UBN2: variants seen among roughly 807,000 people sequenced by gnomAD.
UBN2 encodes ubinuclein-2.
In UBN2, 35 loss-of-function variants were observed where a neutral mutation model predicts 120.2. That is an observed-to-expected ratio of 0.29 (90% CI 0.22 to 0.39). The LOEUF (loss-of-function observed/expected upper bound fraction) is 0.39, where lower values mean the gene tolerates loss of function less well. UBN2 is among the 10% of genes least tolerant of loss of function. The pLI, the probability that UBN2 is intolerant of heterozygous loss-of-function variation, is 1.00. For synonymous variants in UBN2, 661 were observed against 648.7 expected (o/e 1.02, Z -0.29); for missense variants, 1,693 against 1,663.2 (o/e 1.02, Z -0.31).
the UBN2 span, among the ~76,000 whole-genome samples, chr7:139,328,843 T>G: frequency 6.9e-6 from 1 of 145,528 alleles, no homozygotes; most frequent in South Asian, 2.1e-4. Flanking sequence ...CACAACAGAC[T>G]GAGACCCTGT....
downstream of UBN2, among the ~76,000 whole-genome samples, chr7:139,309,229 TAAC>T (rs1247500471): frequency 6.6e-6 from 1 of 152,184 alleles, no homozygotes; most frequent in Non-Finnish European, 1.5e-5. Context: ...AAAAAGGACA[TAAC>T]ACCCCAAAAT....
At position 139,303,339 on chromosome 7, in the gene UBN2, C is replaced by T. The variant is rs1222702918; in HGVS notation, c.*5503C>T. On this transcript the variant is annotated 3_prime_UTR_variant, in exon 18 of 18. Transcript: ENST00000473989. ...AATAGATGTGACATGTTAAGGGAGA[C>T]CAAGTTGAACCATCCCTCAGACCCA... The T allele has an allele frequency of 6.6e-6, 1 of 152,080 alleles. No individual in the cohort carries two copies. The highest frequency in any genetic ancestry group is 1.5e-5 in the Non-Finnish European group (1 of 68,028). 9.4% of individuals were successfully genotyped at this position (152,080 alleles called of 1,614,324 possible).
intron 2 of UBN2, among the ~76,000 whole-genome samples, chr7:139,240,429 A>AATATATATAT (rs201805771): frequency 7.5e-6 from 1 of 133,250 alleles, no homozygotes; most frequent in African/African-American, 2.8e-5. Flanking sequence ...ACCCAGCCTA[A>AATATATATAT]ATATATATAT....
chr7:139,258,460 GC>G, intron 3 of UBN2, 27 bp from the exon 4 acceptor site: 1 of 1,526,556 alleles, frequency 6.6e-7, no homozygotes, highest in South Asian at 1.3e-5. Context: ...ACAGGATATA[GC>G]GGAAACTTTT....
At position 139,261,453 on chromosome 7, in the gene UBN2, C is replaced by A; in HGVS notation, c.1107C>A (p.Val369=). The change falls in exon 6 of 18, where the codon GTC becomes GTA. Residue 369 remains valine, a synonymous_variant. Transcript: ENST00000473989. ...PCAAAALGND[V]PDLNLSSGDP... ...CTGCTGCAGCACTGGGGAATGACGT[C>A]CCGGACTTAAATCTGAGCAGCGGTG... The A allele has an allele frequency of 6.2e-7, 1 of 1,614,232 alleles. No individual in the cohort carries two copies. Among genetic ancestry groups the A allele is most frequent in the South Asian group, 1.1e-5 (1 of 91,090 alleles).
rs1191109842 is a variant in UBN2 at position 139,261,528 on chromosome 7, G to A, written c.1182G>A (p.Gln394=). Residue 394 remains glutamine (Q), a synonymous_variant, in exon 6 of 18, where the codon CAG becomes CAA. Transcript: ENST00000473989. Reference sequence around the variant, plus strand: ...GCACAAATGAACATGAGCTGTTTCAGGAAGCTGAAAATGCCCTAGAGATGC... The same window carrying A: ...GCACAAATGAACATGAGCTGTTTCAAGAAGCTGAAAATGCCCTAGAGATGC... ...FVSTNEHELF[Q]EAENALEMLD... The A allele has an allele frequency of 1.2e-6, 2 of 1,614,056 alleles. No homozygotes were observed.
chr7:139,261,811 T>A, intron 6 of UBN2, 70 bp downstream of exon 6: 1 of 1,483,064 alleles, frequency 6.7e-7, no homozygotes, highest in Non-Finnish European at 9.0e-7. Context: ...TGTTCGTTTG[T>A]TTTTATTTTC....
chr7:139,274,300 A>T (rs548922215), intron 11 of UBN2, among the ~76,000 whole-genome samples: 75 of 152,048 alleles, frequency 4.9e-4, no homozygotes, highest in South Asian at 1.0e-3. Flanking sequence ...TTTACTTAAC[A>T]TTTTTTTTAA....
At chr7:139,255,987 T>C (rs928134108) in intron 3 of UBN2, among the ~76,000 whole-genome samples, 1 of 152,198 alleles carries the variant, frequency 6.6e-6, no homozygotes, top group Non-Finnish European at 1.5e-5. Context: ...ACCCTCCAAA[T>C]TTGATGTTAA....
chr7:139,235,846 C>T (rs1244098634), intron 1 of UBN2, among the ~76,000 whole-genome samples: 1 of 152,172 alleles, frequency 6.6e-6, no homozygotes, highest in African/African-American at 2.4e-5. Flanking sequence ...GGAATTGTCT[C>T]GTATTCATTC....
rs1796926382 is a variant in UBN2 at position 139,261,345 on chromosome 7, A to G, written c.999A>G (p.Lys333=). 1 of 1,614,102 alleles carries G rather than the reference A, an allele frequency of 6.2e-7. No individual in the cohort carries two copies. Among genetic ancestry groups the G allele is most frequent in the Admixed American group, 1.7e-5 (1 of 60,004 alleles). ...SLAAMIRKFQ[K]EKDALKKESN... is the part of the protein sequence containing the mutation. The stretch of plus-strand genomic sequence containing the variant: ...CTGCCATGATTAGAAAATTCCAGAA[A>G]GAGAAGGATGCATTAAAGAAGGAGT... Residue 333 remains lysine (K), a synonymous_variant, in exon 6 of 18, where the codon AAA becomes AAG. Coordinates refer to ENST00000473989, the MANE Select transcript of UBN2 (RefSeq NM_173569.4).
chr7:139,315,414 C>T, the UBN2 span: 1 of 152,096 alleles, frequency 6.6e-6, no homozygotes, highest in African/African-American at 2.4e-5. Context: ...GTTCTTTTAC[C>T]AATATGATGT....
At chr7:139,297,707 ATTG>A (rs1041226625) in intron 17 of UBN2, 77 bp from the exon 18 acceptor site, 19 of 1,297,326 alleles carry the variant, frequency 1.5e-5, no homozygotes, top group Admixed American at 3.5e-5. Flanking sequence ...ATAAAAGTTA[ATTG>A]TTGTTTTTGC....
the UBN2 span, among the ~76,000 whole-genome samples, chr7:139,319,847 T>C: frequency 4.6e-5 from 7 of 151,742 alleles, no homozygotes; most frequent in South Asian, 2.1e-4. Context: ...GAGGCCGAGG[T>C]GGGCGTATCA....
chr7:139,259,184 A>G, intron 4 of UBN2, 83 bp from the exon 5 acceptor site: 1 of 1,542,984 alleles, frequency 6.5e-7, no homozygotes, highest in Non-Finnish European at 8.7e-7. Context: ...TTTGAGAAAA[A>G]CCACTGCTGA....
chr7:139,246,564 T>G (rs1264017784), intron 2 of UBN2, among the ~76,000 whole-genome samples: 1 of 152,234 alleles, frequency 6.6e-6, no homozygotes, highest in Non-Finnish European at 1.5e-5. Flanking sequence ...ATTATTGAGG[T>G]ATAATTTAAA....
At chr7:139,296,367 A>G (rs898321047) in intron 17 of UBN2, among the ~76,000 whole-genome samples, 7 of 152,220 alleles carry the variant, frequency 4.6e-5, no homozygotes, top group East Asian at 3.8e-4. Flanking sequence ...TTCATGTGCA[A>G]AAGCAGGCAG....
In UBN2 at chr7:139,297,822, C is replaced by A; in HGVS notation, c.4030C>A (p.Arg1344=). ...GQSKGDTKLP[R]KSQ ...AAGTAAAGGGGACACTAAATTACCA[C>A]GGAAATCTCAGTGACTGCCCAGCAA... is the stretch of plus-strand genomic sequence containing the variant. Residue 1344 remains arginine (R), a synonymous_variant, in exon 18 of 18, where the codon CGG becomes AGG. Coordinates refer to ENST00000473989, the MANE Select transcript of UBN2 (RefSeq NM_173569.4). 1.2e-6 allele frequency: 2 copies of A among 1,614,060 alleles called. No homozygotes were observed. Among genetic ancestry groups the A allele is most frequent in the Non-Finnish European group, 1.7e-6 (2 of 1,179,980 alleles).
At chr7:139,285,863 C>T (rs1797771425) in intron 15 of UBN2, among the ~76,000 whole-genome samples, 2 of 152,236 alleles carry the variant, frequency 1.3e-5, no homozygotes, top group East Asian at 1.9e-4. Flanking sequence ...CTGCCTTAGG[C>T]TCCCGAGTAG....
Sources: gnomAD v4.1 joint callset for allele counts (sites outside exome capture counted in the v4.1 genomes callset) on GRCh38, gnomAD v4.1.1 for gene constraint, MANE v1.5 for transcripts, NCBI Gene and HGNC (gene_info 2026-07-23, HGNC 2026-07-21) for gene names.